Variants in OCIAD1 observed in about 807,000 individuals in gnomAD.
OCIAD1 encodes OCIA domain-containing protein 1.
A neutral mutation model predicts 38.9 loss-of-function variants in OCIAD1; 29 were observed. The observed-to-expected ratio is 0.74, with a 90% CI of 0.55 to 1.02. The LOEUF is 1.02. Ranked by LOEUF, OCIAD1 falls within the 50% of genes least tolerant of loss-of-function variation. The pLI is 0.00. For missense variants in OCIAD1, 288 were observed against 289.6 expected (o/e 0.99, Z 0.04); for synonymous variants, 110 against 92.0 (o/e 1.20, Z -1.12).
intron 1 of OCIAD1, among the ~76,000 whole-genome samples, chr4:48,825,078 G>A (rs1318816721): frequency 2.0e-5 from 3 of 152,182 alleles, no homozygotes; most frequent in Admixed American, 6.5e-5. Flanking sequence ...TGAAGGAACT[G>A]TAATTTGCAT....
At chr4:48,809,607 C>T (rs141352732) in intron 1 of OCIAD1, among the ~76,000 whole-genome samples, 29 of 152,176 alleles carry the variant, frequency 1.9e-4, no homozygotes, top group Non-Finnish European at 5.9e-5. Flanking sequence ...CTTCATGATA[C>T]GGCCTCTGTC....
intron 1 of OCIAD1, among the ~76,000 whole-genome samples, chr4:48,812,349 T>C (rs1046396942): frequency 3.1e-5 from 4 of 129,964 alleles, no homozygotes; most frequent in Admixed American, 8.1e-5. Flanking sequence ...TTGGCATTTA[T>C]GATATGGTAT....
chr4:48,848,169 A>G (rs1779128199), intron 4 of OCIAD1, among the ~76,000 whole-genome samples: 1 of 152,096 alleles, frequency 6.6e-6, no homozygotes, highest in African/African-American at 2.4e-5. Context: ...TATTGACCTT[A>G]CATCAAGTGA....
At chr4:48,824,557 T>C (rs1473551787) in intron 1 of OCIAD1, among the ~76,000 whole-genome samples, 1 of 151,422 alleles carries the variant, frequency 6.6e-6, no homozygotes, top group African/African-American at 2.4e-5. Context: ...ATTATTATTA[T>C]TATTATTATT....
chr4:48,839,825 T>C (rs1306292998), intron 3 of OCIAD1, among the ~76,000 whole-genome samples: 3 of 152,188 alleles, frequency 2.0e-5, no homozygotes, highest in African/African-American at 7.2e-5. Context: ...GTCAGCAGTA[T>C]TACTGATTTG....
At chr4:48,839,796 T>C (rs1467381853) in intron 3 of OCIAD1, among the ~76,000 whole-genome samples, 1 of 147,102 alleles carries the variant, frequency 6.8e-6, no homozygotes, top group Non-Finnish European at 1.5e-5. Context: ...ACTGTGGTAA[T>C]AATGTGCACT....
intron 4 of OCIAD1, among the ~76,000 whole-genome samples, chr4:48,845,488 T>C (rs1410612010): frequency 6.6e-6 from 1 of 152,234 alleles, no homozygotes; most frequent in East Asian, 1.9e-4. Context: ...CCTCAGGCGA[T>C]TCCTCTGTTT....
intron 8 of OCIAD1, among the ~76,000 whole-genome samples, chr4:48,859,646 G>T (rs1780425424): frequency 6.6e-6 from 1 of 152,000 alleles, no homozygotes; most frequent in Non-Finnish European, 1.5e-5. Flanking sequence ...GGGAAAAGCT[G>T]GTTTTTTGTG....
intron 1 of OCIAD1, chr4:48,831,612 G>T (rs530613306): frequency 1.0e-5 from 12 of 1,175,804 alleles, no homozygotes; most frequent in Non-Finnish European, 1.4e-5. Context: ...TGTCTTAAGC[G>T]CCGTGTCAGC....
At chr4:48,839,397 T>G (rs1778315310) in intron 3 of OCIAD1, among the ~76,000 whole-genome samples, 1 of 149,526 alleles carries the variant, frequency 6.7e-6, no homozygotes, top group Non-Finnish European at 1.5e-5. Context: ...GATTGTGACA[T>G]TGCACTCCAG....
At position 48,833,457 on chromosome 4, in the gene OCIAD1, A is replaced by G. The variant is rs371419299; in HGVS notation, c.115A>G (p.Asn39Asp). 10 of 1,605,096 alleles carry G rather than the reference A, an allele frequency of 6.2e-6. No individual in the cohort carries two copies. Among genetic ancestry groups the G allele is most frequent in the Non-Finnish European group, 7.7e-6 (9 of 1,172,556 alleles). ...AGAAAGGAGAGTCTTCGCAGAATGC[A>G]ATGATGAAAGCTTCTGGTTCAGATG... ...EEERRVFAEC[N>D]DESFWFRSVP... The change falls in exon 3 of 9, where the codon AAT becomes GAT. Residue 39 changes from asparagine (N) to aspartate (D), a missense_variant. By Grantham distance (23) the Asn-to-Asp change is conservative. Coordinates refer to ENST00000264312, the MANE Select transcript of OCIAD1 (RefSeq NM_017830.4).
intron 6 of OCIAD1, among the ~76,000 whole-genome samples, chr4:48,851,465 G>A (rs1195073971): frequency 1.3e-5 from 2 of 152,112 alleles, no homozygotes; most frequent in African/African-American, 2.4e-5. Context: ...AGGCAGGAGG[G>A]TTGCTTGAGC....
At chr4:48,853,086 G>A (rs1390720712) in intron 7 of OCIAD1, among the ~76,000 whole-genome samples, 6 of 151,628 alleles carry the variant, frequency 4.0e-5, no homozygotes, top group African/African-American at 1.5e-4. Context: ...TCACTGTGTT[G>A]GCCAGGATGG....
chr4:48,825,783 TTC>T (rs1777244043), intron 1 of OCIAD1, among the ~76,000 whole-genome samples: 1 of 141,974 alleles, frequency 7.0e-6, no homozygotes, highest in Non-Finnish European at 1.5e-5. Flanking sequence ...CCTCCCTCCC[TTC>T]TCTCTCTTTC....
At chr4:48,860,334 C>A in intron 8 of OCIAD1, 1 of 147,358 alleles carries the variant, frequency 6.8e-6, no homozygotes, top group Admixed American at 7.0e-5. Flanking sequence ...TTGTATATGG[C>A]TTAATATGTG....
chr4:48,834,410 G>A (rs1457604497), intron 3 of OCIAD1, among the ~76,000 whole-genome samples: 1 of 152,230 alleles, frequency 6.6e-6, no homozygotes, highest in Non-Finnish European at 1.5e-5. Context: ...GACCTTAGGT[G>A]ATCTGCCTTG....
At position 48,860,856 on chromosome 4, in the gene OCIAD1, C is replaced by T; in HGVS notation, c.*94C>T. 1.2e-6 allele frequency: 1 copy of T among 868,702 alleles called. No individual in the cohort carries two copies. Among genetic ancestry groups the T allele is most frequent in the Non-Finnish European group, 1.9e-6 (1 of 525,780 alleles). The allele number at this position is 868,702 out of a possible 1,614,324, so 53.8% of individuals were successfully genotyped here. A position where few individuals can be genotyped will look rare whatever the true frequency, so the allele number is the denominator to read the frequency against. On this transcript the variant is annotated 3_prime_UTR_variant, in exon 9 of 9. Coordinates refer to ENST00000264312, the MANE Select transcript of OCIAD1 (RefSeq NM_017830.4). ...ATGCTTTGAGCTCAGCAGCAGTCTT[C>T]ATAAACACATTTAAAACAAGATCCT...
intron 4 of OCIAD1, among the ~76,000 whole-genome samples, 178 bp downstream of exon 4, chr4:48,842,867 C>T (rs1778660181): frequency 6.6e-6 from 1 of 152,078 alleles, no homozygotes; most frequent in African/African-American, 2.4e-5. Context: ...AATATCATGA[C>T]TTGAGAATTT....
chr4:48,844,768 C>A (rs375359057), intron 4 of OCIAD1, among the ~76,000 whole-genome samples: 46 of 152,214 alleles, frequency 3.0e-4, no homozygotes, highest in African/African-American at 1.0e-3. Context: ...ATACCAAAAT[C>A]CACAAAAGCT....
Sources: allele counts gnomAD v4.1 joint callset (sites outside exome capture counted in the v4.1 genomes callset), GRCh38; gene constraint gnomAD v4.1.1; transcripts MANE v1.5; gene names NCBI Gene and HGNC (gene_info 2026-07-23, HGNC 2026-07-21).